The following MAGI2 variants were observed in gnomAD, a reference collection of about 807,000 sequenced individuals.
MAGI2 encodes membrane-associated guanylate kinase, WW and PDZ domain-containing protein 2.
MAGI2 carries 35 observed loss-of-function variants against 133.3 expected under a neutral mutation model. The ratio of observed to expected loss-of-function variants is 0.26; its 90% CI spans 0.20 to 0.35. The LOEUF (loss-of-function observed/expected upper bound fraction) is 0.35, where lower values mean the gene tolerates loss of function less well. Among genes scored for constraint, MAGI2 ranks in the 10% least tolerant of loss-of-function variants. The probability of loss-of-function intolerance (pLI) is 1.00; values close to 1 mark genes in which losing one functional copy is unlikely to be tolerated. For missense variants in MAGI2, 1,636 were observed against 1,863.4 expected (o/e 0.88, Z 2.25); for synonymous variants, 729 against 710.6 (o/e 1.03, Z -0.41).
intron 2 of MAGI2, among the ~76,000 whole-genome samples, chr7:78,725,926 AC>A (rs1820759643): frequency 6.6e-6 from 1 of 152,066 alleles, no homozygotes; most frequent in Admixed American, 6.6e-5. Flanking sequence ...TATACTCCAA[AC>A]CCCCTTTACC....
At chr7:78,820,976 A>C (rs1790041557) in intron 2 of MAGI2, among the ~76,000 whole-genome samples, 1 of 151,996 alleles carries the variant, frequency 6.6e-6, no homozygotes, top group Non-Finnish European at 1.5e-5. Context: ...CATAATAGAG[A>C]GATAATGTGC....
intron 2 of MAGI2, among the ~76,000 whole-genome samples, chr7:78,759,836 A>G (rs1824303895): frequency 6.6e-6 from 1 of 152,194 alleles, no homozygotes; most frequent in South Asian, 2.1e-4. Context: ...GTTCTTTAAG[A>G]AAATAAAGGA....
At chr7:78,199,931 G>A (rs138755942) in intron 11 of MAGI2, among the ~76,000 whole-genome samples, 17 of 152,204 alleles carry the variant, frequency 1.1e-4, no homozygotes, top group African/African-American at 2.9e-4. Flanking sequence ...AGGTCGCAAG[G>A]TTCCTTGTTG....
intron 6 of MAGI2, among the ~76,000 whole-genome samples, chr7:78,422,188 C>T (rs1262251507): frequency 1.3e-5 from 2 of 152,148 alleles, no homozygotes; most frequent in Non-Finnish European, 2.9e-5. Context: ...GCTTTGCATG[C>T]AGAATGGAGC....
chr7:79,204,742 G>A (rs1828895230), intron 1 of MAGI2, among the ~76,000 whole-genome samples: 1 of 151,578 alleles, frequency 6.6e-6, no homozygotes, highest in African/African-American at 2.4e-5. Flanking sequence ...AACACTAAGT[G>A]ACCAGATGAA....
intron 6 of MAGI2, among the ~76,000 whole-genome samples, chr7:78,398,849 A>C (rs1796596316): frequency 6.6e-6 from 1 of 152,098 alleles, no homozygotes. Flanking sequence ...GTTTCAGGGC[A>C]CTTGAGTTCA....
intron 2 of MAGI2, among the ~76,000 whole-genome samples, chr7:78,876,460 C>T (rs1475236721): frequency 6.6e-6 from 1 of 151,950 alleles, no homozygotes; most frequent in Non-Finnish European, 1.5e-5. Context: ...CTAGCCTTCA[C>T]TTGATTTTAA....
At chr7:78,818,885 C>T (rs1789839582) in intron 2 of MAGI2, among the ~76,000 whole-genome samples, 3 of 152,074 alleles carry the variant, frequency 2.0e-5, no homozygotes, top group African/African-American at 7.2e-5. Flanking sequence ...TACTATTACA[C>T]AGCTTACATC....
chr7:78,140,405 T>C (rs1822626324), intron 16 of MAGI2, among the ~76,000 whole-genome samples: 1 of 152,202 alleles, frequency 6.6e-6, no homozygotes, highest in South Asian at 2.1e-4. Context: ...TGGAGTTATA[T>C]GTGGAGAAAG....
At chr7:78,604,715 C>T (rs1345787185) in intron 3 of MAGI2, among the ~76,000 whole-genome samples, 5 of 152,050 alleles carry the variant, frequency 3.3e-5, no homozygotes, top group East Asian at 1.9e-4. Context: ...AACAGGCACC[C>T]GGAAGTATAA....
intron 1 of MAGI2, among the ~76,000 whole-genome samples, chr7:79,247,074 G>A (rs762698840): frequency 2.6e-5 from 4 of 152,014 alleles, no homozygotes; most frequent in African/African-American, 4.8e-5. Flanking sequence ...AAACATGGAG[G>A]AGAAATAGTT....
chr7:78,132,763 G>T, intron 18 of MAGI2, 126 bp downstream of exon 18: 1 of 1,363,990 alleles, frequency 7.3e-7, no homozygotes, highest in Non-Finnish European at 1.0e-6. Context: ...ATCACACAAA[G>T]GTATGCACGG....
chr7:79,241,093 T>C lies in MAGI2; in HGVS notation c.301+211927A>G, dbSNP rs189173111. 2.2e-3 allele frequency among the ~76,000 whole-genome samples: 338 copies of C among 152,306 alleles called. 1 individual carries two copies. Among genetic ancestry groups the C allele is most frequent in the Non-Finnish European group, 3.8e-3 (259 of 68,024 alleles). The stretch of plus-strand genomic sequence containing the variant: ...AAATTGCTTTCATTTGGAATAATTA[T>C]GTTTGGTCACTGATGTCTCCGTTGC... On this transcript the variant is annotated intron_variant, in intron 1 of 21. Transcript: ENST00000354212.
intron 9 of MAGI2, among the ~76,000 whole-genome samples, chr7:78,297,978 A>G (rs1261329492): frequency 6.2e-5 from 7 of 113,712 alleles, no homozygotes; most frequent in African/African-American, 3.3e-4. Flanking sequence ...TAGAACTTAA[A>G]GTATAATTAA....
intron 2 of MAGI2, among the ~76,000 whole-genome samples, chr7:78,647,031 G>T (rs1413132733): frequency 6.6e-6 from 1 of 152,074 alleles, no homozygotes; most frequent in Non-Finnish European, 1.5e-5. Context: ...CACGTAAAAT[G>T]CATAAAAATA....
intron 1 of MAGI2, among the ~76,000 whole-genome samples, chr7:79,365,516 A>G (rs1842640653): frequency 6.6e-6 from 1 of 152,178 alleles, no homozygotes. Flanking sequence ...ACTGACATAT[A>G]CAATGGGATA....
At chr7:79,232,429 CT>C (rs1831453417) in intron 1 of MAGI2, among the ~76,000 whole-genome samples, 1 of 145,168 alleles carries the variant, frequency 6.9e-6, no homozygotes, top group Admixed American at 7.0e-5. Context: ...GTCCTGGACT[CT>C]TTTTGGTTGG....
At chr7:79,310,161 T>C (rs1369110378) in intron 1 of MAGI2, among the ~76,000 whole-genome samples, 2 of 4,798 alleles carry the variant, frequency 4.2e-4, no homozygotes, top group Admixed American at 3.4e-3. Context: ...AGAGTCCATC[T>C]CAAAAAAAAA....
intron 2 of MAGI2, among the ~76,000 whole-genome samples, chr7:78,738,691 A>T (rs1442271778): frequency 6.6e-6 from 1 of 152,192 alleles, no homozygotes; most frequent in Non-Finnish European, 1.5e-5. Context: ...TGAAAAAAGG[A>T]TGGCTCAACT....
Sources: gnomAD v4.1 joint callset for allele counts (sites outside exome capture counted in the v4.1 genomes callset) on GRCh38, gnomAD v4.1.1 for gene constraint, MANE v1.5 for transcripts, NCBI Gene and HGNC (gene_info 2026-07-23, HGNC 2026-07-21) for gene names.